Variants in ARHGEF4 observed in about 807,000 individuals in gnomAD.
The protein encoded by ARHGEF4 is APC-stimulated guanine nucleotide exchange factor 1.
In ARHGEF4, 119 loss-of-function variants were observed where a neutral mutation model predicts 162.0. The ratio of observed to expected loss-of-function variants is 0.73; its 90% CI spans 0.63 to 0.86. The LOEUF (loss-of-function observed/expected upper bound fraction) is 0.86, where lower values mean the gene tolerates loss of function less well. Ranked by LOEUF, ARHGEF4 falls within the 40% of genes least tolerant of loss-of-function variation. The pLI, the probability that ARHGEF4 is intolerant of heterozygous loss-of-function variation, is 0.00. For synonymous variants in ARHGEF4, 1,014 were observed against 979.9 expected (o/e 1.03, Z -0.65); for missense variants, 2,488 against 2,456.0 (o/e 1.01, Z -0.28).
chr2:130,874,250 A>G (rs965540246), intron 1 of ARHGEF4, among the ~76,000 whole-genome samples: 10 of 152,216 alleles, frequency 6.6e-5, no homozygotes, highest in Non-Finnish European at 8.8e-5. Context: ...ACAAACTACA[A>G]GGCGGCTGTA....
intron 1 of ARHGEF4, among the ~76,000 whole-genome samples, chr2:130,841,560 G>A (rs1393456008): frequency 2.6e-5 from 4 of 152,016 alleles, no homozygotes; most frequent in East Asian, 1.9e-4. Context: ...ATCCTCTGTC[G>A]TGCCAGCCTC....
intron 1 of ARHGEF4, among the ~76,000 whole-genome samples, chr2:130,846,531 G>A (rs181590479): frequency 7.2e-5 from 11 of 152,344 alleles, no homozygotes; most frequent in Middle Eastern, 3.4e-3. Context: ...GACCCCTGCC[G>A]TGGGGAGGTG....
In ARHGEF4 at chr2:131,028,081, T is replaced by C; in HGVS notation, c.4122T>C (p.Asn1374=). The C allele has an allele frequency of 6.2e-7, 1 of 1,613,410 alleles. No individual in the cohort carries two copies. Among genetic ancestry groups the C allele is most frequent in the South Asian group, 1.1e-5 (1 of 91,042 alleles). ...GGGGTGGGGAGCAGCTGGCTATCAATGAGGTAGGGTCAGGGCTGCACGGGC... is the reference window on the plus strand; with the variant it reads ...GGGGTGGGGAGCAGCTGGCTATCAACGAGGTAGGGTCAGGGCTGCACGGGC... ...PGGGGEQLAI[N]ELISDGSVVC... is the part of the protein sequence containing the mutation. The change falls in exon 5 of 14, where the codon AAT becomes AAC. Residue 1374 remains asparagine (N), a synonymous_variant. Transcript: ENST00000409359.
intron 1 of ARHGEF4, among the ~76,000 whole-genome samples, chr2:130,890,557 GT>G (rs1679802562): frequency 7.5e-6 from 1 of 133,364 alleles, no homozygotes; most frequent in East Asian, 2.3e-4. Context: ...GCGAGACTCC[GT>G]TTAAAAAAAA....
intron 1 of ARHGEF4, among the ~76,000 whole-genome samples, chr2:130,878,854 A>C (rs992318047): frequency 2.0e-5 from 3 of 152,220 alleles, no homozygotes; most frequent in Non-Finnish European, 2.9e-5. Context: ...TATTGTGTTC[A>C]CAACAGAGGC....
At position 130,974,107 on chromosome 2, in the gene ARHGEF4, T is replaced by TA. The variant is rs750848622; in HGVS notation, c.3985+27487dup. Among the ~76,000 whole-genome samples the TA allele has an allele frequency of 2.3e-3, 316 of 134,914 alleles. 2 individuals are homozygous for TA. The highest frequency in any genetic ancestry group is 7.6e-3 in the Middle Eastern group (2 of 264). The allele number at this position is 134,914 out of a possible 152,430, so 88.5% of individuals were successfully genotyped here. On this transcript the variant is annotated intron_variant, in intron 4 of 13. Transcript: ENST00000409359. Reference sequence around the variant, plus strand: ...CAACATGGCAAAACCTTGTCTCTACTAAAAAAAAAAAAAAATTAGCCAGGC... The same window carrying TA: ...CAACATGGCAAAACCTTGTCTCTACTAAAAAAAAAAAAAAAATTAGCCAGGC...
intron 4 of ARHGEF4, 80 bp downstream of exon 4, chr2:130,946,715 G>A (rs1438434798): frequency 2.5e-6 from 4 of 1,582,466 alleles, no homozygotes; most frequent in South Asian, 1.1e-5. Flanking sequence ...GTTGGCAGCT[G>A]TATCCACTTG....
intron 1 of ARHGEF4, among the ~76,000 whole-genome samples, chr2:130,893,173 C>T (rs1241063923): frequency 1.3e-5 from 2 of 152,186 alleles, no homozygotes; most frequent in Non-Finnish European, 2.9e-5. Context: ...TTAATTAGCA[C>T]CATGTATTCT....
chr2:131,015,884 G>T (rs113085929), intron 4 of ARHGEF4, among the ~76,000 whole-genome samples: 1 of 152,296 alleles, frequency 6.6e-6, no homozygotes, highest in African/African-American at 2.4e-5. Context: ...TGTTCATGTC[G>T]CAAGGATGAA....
chr2:130,865,491 G>A (rs1220853915), intron 1 of ARHGEF4, among the ~76,000 whole-genome samples: 1 of 152,184 alleles, frequency 6.6e-6, no homozygotes. Flanking sequence ...ACGTGAGGCA[G>A]GTTGTGTCAC....
At chr2:131,043,854 T>C (rs1691018247) in intron 11 of ARHGEF4, among the ~76,000 whole-genome samples, 1 of 152,064 alleles carries the variant, frequency 6.6e-6, no homozygotes, top group Non-Finnish European at 1.5e-5. Flanking sequence ...AGCTACCTCT[T>C]CTCTCCCTGC....
chr2:130,917,046 G>A lies in ARHGEF4; in HGVS notation c.3100G>A (p.Ala1034Thr), dbSNP rs1240816087. ...RKSEPTIKCT[A>T]TQEGGRYLPS... The stretch of plus-strand genomic sequence containing the variant: ...AAGTGAACCGACCATCAAGTGCACA[G>A]CCACCCAGGAAGGCGGTAGGTACCT... The change falls in exon 2 of 14, where the codon GCC (alanine) becomes ACC (threonine). Residue 1034 changes from alanine to threonine, a missense_variant. Physicochemically the swap from Ala to Thr is moderately conservative, Grantham distance 58. Coordinates refer to ENST00000409359, the MANE Select transcript of ARHGEF4 (RefSeq NM_001367493.1). 2 of 1,550,778 alleles carry A rather than the reference G, an allele frequency of 1.3e-6. No individual in the cohort carries two copies. Among genetic ancestry groups the A allele is most frequent in the African/African-American group, 1.4e-5 (1 of 73,048 alleles).
At chr2:130,984,697 A>AAT in intron 4 of ARHGEF4, among the ~76,000 whole-genome samples, 1 of 151,552 alleles carries the variant, frequency 6.6e-6, no homozygotes, top group East Asian at 1.9e-4. Flanking sequence ...TTAAAAAAAA[A>AAT]AAAAAAAATC....
intron 4 of ARHGEF4, among the ~76,000 whole-genome samples, chr2:130,962,062 A>T (rs2105191218): frequency 6.6e-6 from 1 of 152,150 alleles, no homozygotes; most frequent in East Asian, 1.9e-4. Context: ...AACATGGTAA[A>T]ACCCTGTCTC....
intron 5 of ARHGEF4, chr2:131,035,377 GCTCA>G: frequency 3.1e-6 from 3 of 968,092 alleles, no homozygotes; most frequent in Non-Finnish European, 3.9e-6. Flanking sequence ...CACCCCATGT[GCTCA>G]CTACCAGGGC....
intron 4 of ARHGEF4, among the ~76,000 whole-genome samples, chr2:131,020,443 G>A (rs1336407200): frequency 4.7e-5 from 7 of 149,268 alleles, no homozygotes; most frequent in Non-Finnish European, 7.4e-5. Flanking sequence ...TGCGGTGTTC[G>A]GTTTTTTGTC....
chr2:131,036,272 C>A (rs1194673538), intron 5 of ARHGEF4, among the ~76,000 whole-genome samples: 3 of 152,248 alleles, frequency 2.0e-5, no homozygotes, highest in African/African-American at 7.2e-5. Context: ...GTCTTGGTGA[C>A]AACACAAACA....
At chr2:131,025,598 A>G (rs1038667363) in intron 4 of ARHGEF4, among the ~76,000 whole-genome samples, 1 of 152,098 alleles carries the variant, frequency 6.6e-6, no homozygotes, top group African/African-American at 2.4e-5. Flanking sequence ...ATCACCATTT[A>G]TGTGTTTCTT....
chr2:130,891,485 A>G (rs568759631), intron 1 of ARHGEF4, among the ~76,000 whole-genome samples: 1 of 152,302 alleles, frequency 6.6e-6, no homozygotes, highest in African/African-American at 2.4e-5. Context: ...CTGCCATTGT[A>G]GCCTGTCTTA....
Sources: allele counts gnomAD v4.1 joint callset (sites outside exome capture counted in the v4.1 genomes callset), GRCh38; gene constraint gnomAD v4.1.1; transcripts MANE v1.5; gene names NCBI Gene and HGNC (gene_info 2026-07-23, HGNC 2026-07-21).